Variants in FSD1 observed in about 807,000 individuals in gnomAD.
The protein encoded by FSD1 is fibronectin type III and SPRY domain containing 1.
Under a neutral mutation model 58.2 loss-of-function variants are expected in FSD1, and 23 were observed. That is an observed-to-expected ratio of 0.40 (90% CI 0.28 to 0.56). The LOEUF is 0.56. Among genes scored for constraint, FSD1 ranks in the 20% least tolerant of loss-of-function variants. The pLI, the probability that FSD1 is intolerant of heterozygous loss-of-function variation, is 0.54. For missense variants in FSD1, 563 were observed against 670.8 expected, an observed-to-expected ratio of 0.84 and a Z score of 1.78; for synonymous variants, 265 against 263.4, an observed-to-expected ratio of 1.01 and a Z score of -0.06.
rs1420623934 is a variant in FSD1, at chr19:4,323,665, T to G, written c.*22T>G. ...CTAGGCCCCCAGGCACCCACCCAGC[T>G]GGGGTGTTTTTGGGGGAGTCGCCGC... On this transcript the variant is annotated 3_prime_UTR_variant, in exon 13 of 13. Transcript: ENST00000221856. This position sits in a 1 kb window ranked among gnomAD's most constrained non-coding sequence, Gnocchi z 7.7. 1 of 1,570,910 alleles carries G rather than the reference T, an allele frequency of 6.4e-7. No individual in the cohort carries two copies. The highest frequency in any genetic ancestry group is 8.7e-7 in the Non-Finnish European group (1 of 1,146,648).
At position 4,307,953 on chromosome 19, in the gene FSD1, G is replaced by A. The variant is rs1971640987; in HGVS notation, c.315G>A (p.Leu105=). The change falls in exon 4 of 13, where the codon CTG becomes CTA. Residue 105 remains leucine, a synonymous_variant. Coordinates refer to ENST00000221856, the MANE Select transcript of FSD1 (RefSeq NM_024333.3). ...TTCTGGAGACAGCCAACCAGACTCTGCAGGCCATGGACAGCGAGGACTTTC... is the reference window on the plus strand; with the variant it reads ...TTCTGGAGACAGCCAACCAGACTCTACAGGCCATGGACAGCGAGGACTTTC... ...EELLETANQT[L]QAMDSEDFPQ... 6.2e-7 allele frequency: 1 copy of A among 1,613,796 alleles called. No homozygotes were observed. The highest frequency in any genetic ancestry group is 1.3e-5 in the African/African-American group (1 of 74,928).
At chr19:4,314,055 C>T (rs1175963125) in intron 7 of FSD1, among the ~76,000 whole-genome samples, 1 of 151,904 alleles carries the variant, frequency 6.6e-6, no homozygotes, top group Non-Finnish European at 1.5e-5. Context: ...AAAAAGCCAT[C>T]CTGATCCAGG....
rs1283023394 is a variant in FSD1 at position 4,323,374 on chromosome 19, A to C, written c.1318A>C (p.Thr440Pro). ...QGLLSFYNAR[T>P]KQVLHTFKTR... ...CCTCCTGTCCTTCTACAATGCCCGC[A>C]CCAAACAAGTGCTGCACACTTTCAA... Residue 440 changes from threonine to proline, a missense_variant, in exon 12 of 13, where the codon ACC (threonine) becomes CCC (proline). By Grantham distance (38) the Thr-to-Pro change is conservative. Coordinates refer to ENST00000221856, the MANE Select transcript of FSD1 (RefSeq NM_024333.3). The surrounding 1 kb of genome is among the most constrained non-coding windows in gnomAD (Gnocchi z 7.7). The C allele has an allele frequency of 2.5e-6, 4 of 1,612,502 alleles. No individual in the cohort carries two copies. Among genetic ancestry groups the C allele is most frequent in the Non-Finnish European group, 3.4e-6 (4 of 1,179,564 alleles).
Position 4,323,090 on chromosome 19 carries a change from G to A in FSD1, c.1144G>A (p.Glu382Lys), listed in dbSNP as rs914661813. The change falls in exon 11 of 13, where the codon GAG becomes AAG. Residue 382 changes from glutamate to lysine, a missense_variant. Transcript: ENST00000221856. This position sits in a 1 kb window ranked among gnomAD's most constrained non-coding sequence, Gnocchi z 7.7. ...GGCCTACCGCAGCCTGGGCCGCTTC[G>A]AGCAACTGGGCAAGACGGCCGCCTC... is the stretch of plus-strand genomic sequence containing the variant. The part of the protein sequence containing the change: ...GVAYRSLGRF[E>K]QLGKTAASWC... 2.5e-6 allele frequency: 4 copies of A among 1,610,004 alleles called. No homozygotes were observed. Among genetic ancestry groups the A allele is most frequent in the Admixed American group, 1.7e-5 (1 of 59,978 alleles).
rs774248209 is a variant in FSD1 at position 4,306,046 on chromosome 19, A to G, written c.111+5A>G. 13 of 1,611,582 alleles carry G rather than the reference A, an allele frequency of 8.1e-6. 1 individual carries two copies. The South Asian group carries it at 1.3e-4, about 16-fold the overall frequency. The stretch of plus-strand genomic sequence containing the variant: ...CAGATGCTGCTGAACGTGGAGGTGA[A>G]GGCGGTGGGGCAGTCCTGGGGAGGT... On this transcript the variant is annotated splice_donor_5th_base_variant and intron_variant, in intron 2 of 12. Coordinates refer to ENST00000221856, the MANE Select transcript of FSD1 (RefSeq NM_024333.3).
intron 5 of FSD1, 22 bp from the exon 6 acceptor site, chr19:4,310,453 G>A (rs375127336): frequency 5.6e-6 from 9 of 1,607,252 alleles, no homozygotes; most frequent in Admixed American, 3.3e-5. Flanking sequence ...CCCACGCAAC[G>A]CCTGCCACCT....
Position 4,307,225 on chromosome 19 carries a change from T to C in FSD1, c.244-657T>C, listed in dbSNP as rs555588388. On this transcript the variant is annotated intron_variant, in intron 3 of 12. Coordinates refer to ENST00000221856, the MANE Select transcript of FSD1 (RefSeq NM_024333.3). ...AGGTGCCACCACGCCCAGCTCATTTTTGTATTTTTTGGTGGAGACTGGTTT... is the reference window on the plus strand; with the variant it reads ...AGGTGCCACCACGCCCAGCTCATTTCTGTATTTTTTGGTGGAGACTGGTTT... Among the ~76,000 whole-genome samples the C allele has an allele frequency of 6.4e-4, 98 of 152,142 alleles. 2 individuals carry two copies. In the South Asian group the frequency reaches 0.02, roughly 31 times the overall value.
intron 4 of FSD1, 63 bp downstream of exon 4, chr19:4,308,046 G>T (rs1971642493): frequency 7.7e-7 from 1 of 1,297,240 alleles, no homozygotes; most frequent in African/African-American, 1.5e-5. Context: ...CATTTCAGGT[G>T]AACAAGCACA....
At position 4,323,790 on chromosome 19, in the gene FSD1, G is replaced by T; in HGVS notation, c.*147G>T. 1.6e-6 allele frequency: 1 copy of T among 638,204 alleles called. No homozygotes were observed. Among genetic ancestry groups the T allele is most frequent in the Non-Finnish European group, 2.7e-6 (1 of 368,604 alleles). 39.5% of individuals were successfully genotyped at this position (638,204 alleles called of 1,614,324 possible). A position where few individuals can be genotyped will look rare whatever the true frequency, so the allele number is the denominator to read the frequency against. ...TCACCAAGAGGGAGTGGGCACCCTG[G>T]CGGGCCCTCTCCCCACCTCACCTCT... On this transcript the variant is annotated 3_prime_UTR_variant, in exon 13 of 13. Transcript: ENST00000221856. This position sits in a 1 kb window ranked among gnomAD's most constrained non-coding sequence, Gnocchi z 7.7.
At position 4,311,940 on chromosome 19, in the gene FSD1, C is replaced by A; in HGVS notation, c.589C>A (p.His197Asn). Residue 197 changes from histidine (H) to asparagine (N), a missense_variant, in exon 7 of 13, where the codon CAC becomes AAC. Coordinates refer to ENST00000221856, the MANE Select transcript of FSD1 (RefSeq NM_024333.3). ...GCCGGATGAGGACAGCAAGATTGACCACTACGTGCTGGAGTACCGGCGGAC... is the reference window on the plus strand; with the variant it reads ...GCCGGATGAGGACAGCAAGATTGACAACTACGTGCTGGAGTACCGGCGGAC... ...RMPDEDSKID[H>N]YVLEYRRTNF... is the part of the protein sequence containing the mutation. 6.2e-7 allele frequency: 1 copy of A among 1,614,002 alleles called. No individual in the cohort carries two copies. Among genetic ancestry groups the A allele is most frequent in the South Asian group, 1.1e-5 (1 of 91,080 alleles).
rs1971678288 is a variant in FSD1, at chr19:4,310,586, G to T, written c.480G>T (p.Lys160Asn). The change falls in exon 6 of 13, where the codon AAG (lysine) becomes AAT (asparagine). Residue 160 changes from lysine (K) to asparagine (N), a missense_variant. Lys to Asn is a moderately conservative substitution (Grantham distance 94). Transcript: ENST00000221856. ...AQERQMLQAL[K>N]FLPVPSAPVI... ...AGCGGCAGATGCTACAGGCACTCAA[G>T]TTCCTGCCTGGTGAGAGGGGCACGC... The T allele has an allele frequency of 6.2e-7, 1 of 1,613,056 alleles. No homozygotes were observed. The highest frequency in any genetic ancestry group is 8.5e-7 in the Non-Finnish European group (1 of 1,179,884).
Position 4,310,225 on chromosome 19 carries a change from A to C in FSD1, c.346-48A>C, listed in dbSNP as rs1441717679. 1.9e-6 allele frequency: 3 copies of C among 1,612,118 alleles called. No individual in the cohort carries two copies. In the Admixed American group the frequency reaches 5.0e-5, roughly 27 times the overall value. ...GGGCAACAGAGCAAGACTCCGTCTCAAAAACAAAAAAAGAAATCTTTGAAT... is the reference window on the plus strand; with the variant it reads ...GGGCAACAGAGCAAGACTCCGTCTCCAAAACAAAAAAAGAAATCTTTGAAT... On this transcript the variant is annotated intron_variant, in intron 4 of 12. Transcript: ENST00000221856.
intron 4 of FSD1, among the ~76,000 whole-genome samples, chr19:4,309,538 G>A (rs1157900620): frequency 6.6e-6 from 1 of 152,208 alleles, no homozygotes; most frequent in Admixed American, 6.5e-5. Flanking sequence ...GTCCAGAAGT[G>A]CAGGGACACT....
At chr19:4,315,674 G>A (rs952958337) in intron 7 of FSD1, among the ~76,000 whole-genome samples, 5 of 131,194 alleles carry the variant, frequency 3.8e-5, no homozygotes, top group Non-Finnish European at 6.3e-5. Flanking sequence ...GCAATGATGC[G>A]ATCTTTGGCT....
At chr19:4,312,956 C>T (rs929075798) in intron 7 of FSD1, among the ~76,000 whole-genome samples, 8 of 151,842 alleles carry the variant, frequency 5.3e-5, no homozygotes, top group South Asian at 4.2e-4. Context: ...GTACTGTCCT[C>T]GGAGCAGGGA....
intron 1 of FSD1, among the ~76,000 whole-genome samples, chr19:4,305,378 A>G (rs1410391857): frequency 2.0e-5 from 3 of 148,344 alleles, no homozygotes; most frequent in African/African-American, 7.5e-5. Context: ...AGGCTATCCC[A>G]CCTCCCTGGG....
chr19:4,306,479 T>C (rs1971624082), intron 3 of FSD1, 150 bp downstream of exon 3: 3 of 715,686 alleles, frequency 4.2e-6, no homozygotes, highest in Admixed American at 5.9e-5. Flanking sequence ...TCTCTTTTTT[T>C]TTTTTGAGAC....
chr19:4,322,039 G>T (rs1971824788), intron 10 of FSD1, among the ~76,000 whole-genome samples: 1 of 143,888 alleles, frequency 6.9e-6, no homozygotes, highest in Non-Finnish European at 1.5e-5. Flanking sequence ...ATTACCTGGG[G>T]CCCAAGGAGT....
intron 7 of FSD1, among the ~76,000 whole-genome samples, chr19:4,316,280 G>A (rs575104819): frequency 9.5e-4 from 144 of 152,008 alleles, no homozygotes; most frequent in Non-Finnish European, 1.9e-3. Flanking sequence ...AGAGTGCAGT[G>A]GTGCGATCTT....
Sources: allele counts gnomAD v4.1 joint callset (sites outside exome capture counted in the v4.1 genomes callset), GRCh38; gene constraint gnomAD v4.1.1; non-coding constraint Gnocchi (gnomAD v3.1); transcripts MANE v1.5; gene names NCBI Gene and HGNC (gene_info 2026-07-23, HGNC 2026-07-21).